The following HTR1E variants were observed in gnomAD, a reference collection of about 807,000 sequenced individuals.
HTR1E encodes the protein 5-HT-1E.
A neutral mutation model predicts 3.4 loss-of-function variants in HTR1E; 3 were observed. That is an observed-to-expected ratio of 0.89 (90% confidence interval 0.41 to 2.31). HTR1E has a LOEUF of 2.31. Among genes scored for constraint, HTR1E ranks in the 30% most tolerant of loss-of-function variants. HTR1E has a pLI of 0.05. For missense variants in HTR1E, 392 were observed against 467.0 expected (o/e 0.84, Z 1.48); for synonymous variants, 170 against 182.8 (o/e 0.93, Z 0.56).
chr6:86,979,737 T>C (rs772137923), intron 1 of HTR1E, among the ~76,000 whole-genome samples: 2 of 152,184 alleles, frequency 1.3e-5, no homozygotes, highest in Non-Finnish European at 2.9e-5. Context: ...GAAGAGATTT[T>C]AATGAAAGTA....
At chr6:87,005,658 ACT>A (rs1363516021) in intron 1 of HTR1E, among the ~76,000 whole-genome samples, 1 of 152,168 alleles carries the variant, frequency 6.6e-6, no homozygotes, top group Non-Finnish European at 1.5e-5. Context: ...CATTGGGGAA[ACT>A]CTCCAAGACA....
At chr6:86,959,132 T>A (rs944702733) in intron 1 of HTR1E, among the ~76,000 whole-genome samples, 9 of 152,138 alleles carry the variant, frequency 5.9e-5, no homozygotes, top group African/African-American at 2.2e-4. Flanking sequence ...AGAGGCAGAA[T>A]TCCCTCTTCC....
At chr6:86,958,144 C>T (rs529179074) in intron 1 of HTR1E, among the ~76,000 whole-genome samples, 27 of 151,092 alleles carry the variant, frequency 1.8e-4, no homozygotes, top group Non-Finnish European at 2.8e-4. Context: ...CTGCCAGCTC[C>T]GCCTCCTGGG....
chr6:86,982,400 T>C (rs1310330341), intron 1 of HTR1E, among the ~76,000 whole-genome samples: 1 of 152,170 alleles, frequency 6.6e-6, no homozygotes, highest in Non-Finnish European at 1.5e-5. Context: ...TTCTTGGAAA[T>C]AGATTCTAAG....
In HTR1E at chr6:87,015,914, C is replaced by T; in HGVS notation, c.580C>T (p.Pro194Ser). Reference protein sequence around the residue: ...IYSTLGAFYIPLTLILILYYR... With the variant: ...IYSTLGAFYISLTLILILYYR... ...CTCCACGCTGGGTGCGTTTTATATC[C>T]CCTTGACTTTGATACTGATTCTCTA... The change falls in exon 2 of 2, where the codon CCC becomes TCC. Residue 194 changes from proline to serine, a missense_variant. Pro to Ser is a moderately conservative substitution (Grantham distance 74). Coordinates refer to ENST00000305344, the MANE Select transcript of HTR1E (RefSeq NM_000865.3). 6.2e-7 allele frequency: 1 copy of T among 1,613,466 alleles called. No homozygotes were observed. Among genetic ancestry groups the T allele is most frequent in the Non-Finnish European group, 8.5e-7 (1 of 1,179,572 alleles).
intron 1 of HTR1E, among the ~76,000 whole-genome samples, chr6:86,964,221 G>A (rs576860357): frequency 6.6e-5 from 10 of 152,114 alleles, no homozygotes; most frequent in African/African-American, 1.4e-4. Context: ...AAAAATATGC[G>A]TTGGAATCGT....
chr6:87,015,222 GC>G lies in HTR1E; in HGVS notation c.-112del. 1 of 880,856 alleles carries G rather than the reference GC, an allele frequency of 1.1e-6. No homozygotes were observed. The highest frequency in any genetic ancestry group is 1.7e-5 in the African/African-American group (1 of 59,000). 54.6% of individuals were successfully genotyped at this position (880,856 alleles called of 1,614,324 possible). A position where few individuals can be genotyped will look rare whatever the true frequency, so the allele number is the denominator to read the frequency against. Reference sequence around the variant, plus strand: ...AAAATGGAACACAAGAGACCACATAGCTGAACAAATTATAGCCTCCTTACAA... The same window carrying G: ...AAAATGGAACACAAGAGACCACATAGTGAACAAATTATAGCCTCCTTACAA... On this transcript the variant is annotated 5_prime_UTR_variant, in exon 2 of 2. The change abolishes the stop of an existing upstream ORF in the 5' untranslated region. Coordinates refer to ENST00000305344, the MANE Select transcript of HTR1E (RefSeq NM_000865.3).
chr6:86,994,852 T>C (rs1767913904), intron 1 of HTR1E, among the ~76,000 whole-genome samples: 1 of 151,970 alleles, frequency 6.6e-6, no homozygotes, highest in Admixed American at 6.6e-5. Context: ...GAGGGTAAAA[T>C]TATATAAAGG....
At chr6:86,949,308 G>A (rs1387579389) in intron 1 of HTR1E, among the ~76,000 whole-genome samples, 1 of 152,148 alleles carries the variant, frequency 6.6e-6, no homozygotes, top group Non-Finnish European at 1.5e-5. Flanking sequence ...ATGTGAAAAA[G>A]TGCTTAAAAC....
intron 1 of HTR1E, among the ~76,000 whole-genome samples, chr6:86,988,310 G>GA (rs1767821729): frequency 6.6e-6 from 1 of 152,100 alleles, no homozygotes; most frequent in African/African-American, 2.4e-5. Context: ...AACTAACTCT[G>GA]AAAATCTGAG....
chr6:86,940,708 T>C (rs192271351), intron 1 of HTR1E, among the ~76,000 whole-genome samples: 52 of 152,340 alleles, frequency 3.4e-4, no homozygotes, highest in Middle Eastern at 3.4e-3. Context: ...GAATTCTATT[T>C]CTGCACTACC....
At chr6:86,975,483 T>C (rs1767617292) in intron 1 of HTR1E, among the ~76,000 whole-genome samples, 1 of 152,024 alleles carries the variant, frequency 6.6e-6, no homozygotes, top group East Asian at 1.9e-4. Context: ...GCTCCATCTA[T>C]ATATTCTCCT....
intron 1 of HTR1E, among the ~76,000 whole-genome samples, chr6:86,962,097 T>C (rs1338942449): frequency 2.0e-5 from 3 of 152,102 alleles, no homozygotes; most frequent in Non-Finnish European, 2.9e-5. Flanking sequence ...TTGAGGAACA[T>C]GGTAAAAAAG....
chr6:86,957,290 A>ATTTTTCC (rs1767340161), intron 1 of HTR1E, among the ~76,000 whole-genome samples: 1 of 152,222 alleles, frequency 6.6e-6, no homozygotes, highest in Non-Finnish European at 1.5e-5. Context: ...TTCTGAGGTG[A>ATTTTTCC]CTACTTGAGC....
chr6:86,983,573 G>C (rs1158100273), intron 1 of HTR1E, among the ~76,000 whole-genome samples: 2 of 152,158 alleles, frequency 1.3e-5, no homozygotes, highest in Non-Finnish European at 2.9e-5. Context: ...AATACAGTTA[G>C]TAGAAATAAC....
At chr6:87,008,721 C>T (rs574526771) in intron 1 of HTR1E, among the ~76,000 whole-genome samples, 1 of 152,250 alleles carries the variant, frequency 6.6e-6, no homozygotes, top group East Asian at 1.9e-4. Flanking sequence ...ACACATGAAA[C>T]AGAATTCCAG....
At chr6:86,966,555 A>T (rs1274350859) in intron 1 of HTR1E, among the ~76,000 whole-genome samples, 1 of 152,128 alleles carries the variant, frequency 6.6e-6, no homozygotes. Context: ...TTACAATATG[A>T]GATTGAATCT....
intron 1 of HTR1E, among the ~76,000 whole-genome samples, chr6:86,954,567 G>A (rs1490953170): frequency 6.6e-6 from 1 of 152,188 alleles, no homozygotes; most frequent in African/African-American, 2.4e-5. Flanking sequence ...CGTGGTTACT[G>A]TGAGGCCCCT....
intron 1 of HTR1E, among the ~76,000 whole-genome samples, chr6:87,013,718 A>G (rs1562075671): frequency 6.6e-6 from 1 of 152,226 alleles, no homozygotes; most frequent in East Asian, 1.9e-4. Context: ...AAATATAAAT[A>G]AGAAATTAAT....
Sources: gnomAD v4.1 joint callset for allele counts (sites outside exome capture counted in the v4.1 genomes callset) on GRCh38, gnomAD v4.1.1 for gene constraint, MANE v1.5 for transcripts, NCBI Gene and HGNC (gene_info 2026-07-23, HGNC 2026-07-21) for gene names.